The following TCF4 variants were observed in gnomAD, a reference collection of about 807,000 sequenced individuals.
TCF4 encodes transcription factor 4, also known as SL3-3 enhancer factor 2.
A neutral mutation model predicts 82.1 loss-of-function variants in TCF4; 3 were observed. The ratio of observed to expected loss-of-function variants is 0.04; its 90% confidence interval spans 0.02 to 0.09. The LOEUF (loss-of-function observed/expected upper bound fraction) is 0.09. TCF4 is among the 10% of genes least tolerant of loss of function. TCF4 has a pLI of 1.00. For synonymous variants in TCF4, 276 were observed against 309.6 expected (o/e 0.89, Z 1.14); for missense variants, 518 against 852.7 (o/e 0.61, Z 4.89).
chr18:55,247,620 G>C (rs2053681350), intron 15 of TCF4, among the ~76,000 whole-genome samples: 3 of 152,204 alleles, frequency 2.0e-5, no homozygotes. Context: ...ACTGTGTTCA[G>C]TTTGCGGTTC....
chr18:55,367,892 T>C (rs2087676230), intron 6 of TCF4, among the ~76,000 whole-genome samples: 1 of 152,206 alleles, frequency 6.6e-6, no homozygotes, highest in Non-Finnish European at 1.5e-5. Flanking sequence ...CTTATGGCTA[T>C]TTTGCAACCT....
Position 55,333,054 on chromosome 18 carries a change from A to G in TCF4, c.549+17305T>C, listed in dbSNP as rs1052289849. Among the ~76,000 whole-genome samples the G allele has an allele frequency of 7.2e-5, 11 of 152,378 alleles. No homozygotes were observed. The South Asian group carries it at 2.3e-3, about 32-fold the overall frequency. ...CTAAATATATGTGAACAATTAAATA[A>G]AACCTTTCAACATTCTTAACAAAGA... is the stretch of plus-strand genomic sequence containing the variant. On this transcript the variant is annotated intron_variant, in intron 8 of 19. Transcript: ENST00000354452.
chr18:55,323,769 A>G (rs777755929), intron 8 of TCF4, among the ~76,000 whole-genome samples: 5 of 152,174 alleles, frequency 3.3e-5, no homozygotes, highest in Non-Finnish European at 5.9e-5. Context: ...CTGGAATTTA[A>G]AGAGATAAGT....
At chr18:55,584,280 C>T (rs964561116) in intron 3 of TCF4, among the ~76,000 whole-genome samples, 1 of 152,060 alleles carries the variant, frequency 6.6e-6, no homozygotes, top group African/African-American at 2.4e-5. Context: ...CCACTGGCAT[C>T]TCACAGTTAA....
intron 8 of TCF4, among the ~76,000 whole-genome samples, chr18:55,293,712 T>C (rs991117418): frequency 6.6e-6 from 1 of 152,158 alleles, no homozygotes; most frequent in African/African-American, 2.4e-5. Flanking sequence ...GTCCAGTGCC[T>C]GAATGATGCT....
chr18:55,465,100 T>C (rs1049460508), intron 3 of TCF4, among the ~76,000 whole-genome samples: 5 of 152,220 alleles, frequency 3.3e-5, no homozygotes, highest in African/African-American at 9.6e-5. Flanking sequence ...TTCACTGTTA[T>C]ATTATTTTGA....
At chr18:55,413,290 C>T (rs1210188568) in intron 5 of TCF4, among the ~76,000 whole-genome samples, 3 of 152,190 alleles carry the variant, frequency 2.0e-5, no homozygotes, top group African/African-American at 7.2e-5. Context: ...AGCCTTAGCA[C>T]TGAATACAAT....
chr18:55,568,625 C>A (rs1367192616), intron 3 of TCF4, among the ~76,000 whole-genome samples: 1 of 151,934 alleles, frequency 6.6e-6, no homozygotes, highest in Non-Finnish European at 1.5e-5. Context: ...ATATCAGTGG[C>A]TTAAAATCTT....
chr18:55,456,427 T>C (rs768879352), intron 5 of TCF4, among the ~76,000 whole-genome samples: 7 of 152,316 alleles, frequency 4.6e-5, no homozygotes, highest in Admixed American at 1.3e-4. Context: ...TGTGAAAGCA[T>C]AGCCCCGATG....
chr18:55,302,341 C>T (rs886758857), intron 8 of TCF4: 12 of 1,334,732 alleles, frequency 9.0e-6, no homozygotes, highest in African/African-American at 1.5e-5. Flanking sequence ...CAAGTCAAAG[C>T]AGCACAGTGC....
intron 6 of TCF4, among the ~76,000 whole-genome samples, chr18:55,380,183 C>A (rs1488528402): frequency 6.6e-6 from 1 of 152,070 alleles, no homozygotes; most frequent in Non-Finnish European, 1.5e-5. Context: ...CGAGGGTCCT[C>A]TTTCTGATTT....
At chr18:55,267,036 C>T (rs1434386498) in intron 11 of TCF4, 1 of 152,174 alleles carries the variant, frequency 6.6e-6, no homozygotes, top group African/African-American at 2.4e-5. Flanking sequence ...CTTCCTAAGA[C>T]ATCAACACCA....
intron 6 of TCF4, among the ~76,000 whole-genome samples, chr18:55,399,015 G>A (rs915509647): frequency 1.3e-5 from 2 of 152,198 alleles, no homozygotes; most frequent in Non-Finnish European, 2.9e-5. Context: ...ATTAAAAAGC[G>A]ATGTGTATTT....
chr18:55,548,149 T>C (rs1357097838), intron 3 of TCF4, among the ~76,000 whole-genome samples: 1 of 152,246 alleles, frequency 6.6e-6, no homozygotes, highest in Non-Finnish European at 1.5e-5. Flanking sequence ...TGAAATGATT[T>C]GCTGGGCATA....
chr18:55,477,317 CT>C (rs1274683223), intron 3 of TCF4, among the ~76,000 whole-genome samples: 1 of 152,084 alleles, frequency 6.6e-6, no homozygotes, highest in African/African-American at 2.4e-5. Context: ...GGTAGATGCC[CT>C]ATATAAAAGA....
Position 55,279,633 on chromosome 18 carries a change from A to G in TCF4, c.573T>C (p.Thr191=), listed in dbSNP as rs1434749460. The G allele has an allele frequency of 3.7e-6, 6 of 1,613,900 alleles. No homozygotes were observed. Among genetic ancestry groups the G allele is most frequent in the Non-Finnish European group, 5.1e-6 (6 of 1,179,912 alleles). ...PSSVYAPSAS[T]ADYNRDSPGY... ...CTGGCGAGTCCCTATTGTAGTCGGC[A>G]GTGCTTGCTGATGGAGCATAGACCT... is the stretch of plus-strand genomic sequence containing the variant. Residue 191 remains threonine (T), a synonymous_variant, in exon 9 of 20, where the codon ACT becomes ACC. Transcript: ENST00000354452.
chr18:55,410,740 C>T (rs1184371488), intron 5 of TCF4, among the ~76,000 whole-genome samples: 2 of 152,204 alleles, frequency 1.3e-5, no homozygotes, highest in East Asian at 3.9e-4. Flanking sequence ...TAGCAACAAC[C>T]ATTGCCTTCT....
At chr18:55,264,970 GGT>G (rs2058802283) in intron 11 of TCF4, 1 of 152,126 alleles carries the variant, frequency 6.6e-6, no homozygotes, top group African/African-American at 2.4e-5. Context: ...GAACACAGGT[GGT>G]GTTGCTGGCT....
chr18:55,441,143 A>G (rs1486681201), intron 5 of TCF4, among the ~76,000 whole-genome samples: 1 of 152,268 alleles, frequency 6.6e-6, no homozygotes, highest in Non-Finnish European at 1.5e-5. Context: ...GCAACAATCC[A>G]TTAGGTCCCA....
Sources: gnomAD v4.1 joint callset for allele counts (sites outside exome capture counted in the v4.1 genomes callset) on GRCh38, gnomAD v4.1.1 for gene constraint, MANE v1.5 for transcripts, NCBI Gene and HGNC (gene_info 2026-07-23, HGNC 2026-07-21) for gene names.